Variants in PARD3B observed in about 807,000 individuals in gnomAD.
PARD3B encodes the protein par-3 family cell polarity regulator beta, also known as partitioning defective 3 homolog B.
A neutral mutation model predicts 130.2 loss-of-function variants in PARD3B; 103 were observed. That is an observed-to-expected ratio of 0.79 (90% confidence interval 0.67 to 0.93). The LOEUF is 0.93. PARD3B is among the 40% of genes least tolerant of loss of function. The pLI, the probability that PARD3B is intolerant of heterozygous loss-of-function variation, is 0.00. For missense variants in PARD3B, 1,609 were observed against 1,499.2 expected (o/e 1.07, Z -1.21); for synonymous variants, 583 against 553.2 (o/e 1.05, Z -0.76).
chr2:204,598,185 A>G (rs1041012909), intron 1 of PARD3B, among the ~76,000 whole-genome samples: 1 of 152,154 alleles, frequency 6.6e-6, no homozygotes, highest in East Asian at 1.9e-4. Flanking sequence ...TTTGGACTTT[A>G]CCTTTTCTAT....
intron 21 of PARD3B, among the ~76,000 whole-genome samples, chr2:205,520,655 C>CTGTT (rs1341600224): frequency 6.6e-6 from 1 of 152,012 alleles, no homozygotes; most frequent in Non-Finnish European, 1.5e-5. Flanking sequence ...GAAATGAACA[C>CTGTT]TGTTTATGCT....
intron 2 of PARD3B, among the ~76,000 whole-genome samples, chr2:204,953,722 G>C (rs972842668): frequency 6.6e-6 from 1 of 152,150 alleles, no homozygotes; most frequent in Non-Finnish European, 1.5e-5. Context: ...ATTGCCAATG[G>C]TCACAGCAAC....
chr2:204,892,456 C>A (rs2046483428), intron 2 of PARD3B, among the ~76,000 whole-genome samples: 1 of 152,162 alleles, frequency 6.6e-6, no homozygotes, highest in Non-Finnish European at 1.5e-5. Context: ...ATGGTAGCCG[C>A]TAGTCATGTG....
chr2:205,581,329 CCT>C (rs1460026946), intron 22 of PARD3B, among the ~76,000 whole-genome samples: 2 of 144,442 alleles, frequency 1.4e-5, no homozygotes, highest in Admixed American at 7.0e-5. Flanking sequence ...CATTTATATC[CCT>C]GTCATATACG....
chr2:205,019,192 A>G (rs1696403370), intron 3 of PARD3B, among the ~76,000 whole-genome samples: 1 of 152,036 alleles, frequency 6.6e-6, no homozygotes, highest in African/African-American at 2.4e-5. Flanking sequence ...GTCTTGATAG[A>G]TTTGCCTAAT....
chr2:204,599,067 AG>A (rs562461470), intron 1 of PARD3B, among the ~76,000 whole-genome samples: 36 of 151,992 alleles, frequency 2.4e-4, no homozygotes, highest in African/African-American at 8.7e-4. Flanking sequence ...GAAAAAAAAA[AG>A]ACATTGTTTT....
rs2040609431 is a variant in PARD3B at position 205,268,756 on chromosome 2, C to A, written c.2185+22934C>A. On this transcript the variant is annotated intron_variant, in intron 16 of 22. Transcript: ENST00000406610. The surrounding 1 kb of genome is among the most constrained non-coding windows in gnomAD (Gnocchi z 4.1). The stretch of plus-strand genomic sequence containing the variant: ...AGTGCCAATTTGACAGAAGAGACTT[C>A]TCAGCTCTTTGGGGAAAATATTGAA... Among the ~76,000 whole-genome samples, 1 of 152,072 alleles carries A rather than the reference C, an allele frequency of 6.6e-6. No individual in the cohort carries two copies. The highest frequency in any genetic ancestry group is 2.1e-4 in the South Asian group (1 of 4,826).
chr2:204,573,876 T>C (rs2032125881), intron 1 of PARD3B, among the ~76,000 whole-genome samples: 2 of 152,206 alleles, frequency 1.3e-5, no homozygotes, highest in African/African-American at 4.8e-5. Flanking sequence ...TTTCAGACAC[T>C]GATGGCACCT....
At chr2:205,583,403 G>GCA (rs1553553156) in intron 22 of PARD3B, among the ~76,000 whole-genome samples, 4 of 74,186 alleles carry the variant, frequency 5.4e-5, no homozygotes, top group African/African-American at 9.0e-5. Context: ...GTGTGTGTGC[G>GCA]CGCGCACGCG....
chr2:205,279,900 G>A (rs1403841323), intron 16 of PARD3B, among the ~76,000 whole-genome samples: 1 of 152,196 alleles, frequency 6.6e-6, no homozygotes, highest in Non-Finnish European at 1.5e-5. Context: ...ACTCCCAGCA[G>A]GGAGCCTAAA....
intron 2 of PARD3B, among the ~76,000 whole-genome samples, chr2:204,837,754 A>G (rs1024716604): frequency 6.6e-6 from 1 of 152,000 alleles, no homozygotes; most frequent in African/African-American, 2.4e-5. Flanking sequence ...ATCATTTCGA[A>G]TTTTCACCTG....
At chr2:204,825,478 G>C (rs1299425471) in intron 2 of PARD3B, among the ~76,000 whole-genome samples, 1 of 152,172 alleles carries the variant, frequency 6.6e-6, no homozygotes. Flanking sequence ...GTGCCTTGGG[G>C]ATATAGGTTT....
intron 2 of PARD3B, among the ~76,000 whole-genome samples, chr2:204,724,405 G>A (rs2039127746): frequency 6.6e-6 from 1 of 152,164 alleles, no homozygotes; most frequent in East Asian, 1.9e-4. Context: ...ACCTGGAGCA[G>A]TACTCAGTAA....
At chr2:204,612,498 C>A (rs191688361) in intron 1 of PARD3B, among the ~76,000 whole-genome samples, 9 of 152,234 alleles carry the variant, frequency 5.9e-5, no homozygotes, top group Admixed American at 3.3e-4. Context: ...AAATACATTT[C>A]TTTGATCTTC....
chr2:204,845,165 T>C (rs2125594390), intron 2 of PARD3B, among the ~76,000 whole-genome samples: 1 of 152,266 alleles, frequency 6.6e-6, no homozygotes, highest in East Asian at 1.9e-4. Flanking sequence ...GGTGTTAATG[T>C]TACCCTCAAA....
intron 3 of PARD3B, among the ~76,000 whole-genome samples, chr2:204,974,638 A>G (rs1691982890): frequency 6.6e-6 from 1 of 152,232 alleles, no homozygotes; most frequent in Admixed American, 6.5e-5. Flanking sequence ...GCATGAGGAA[A>G]ACTTCTTGTT....
intron 2 of PARD3B, among the ~76,000 whole-genome samples, chr2:204,837,417 A>C (rs2044083186): frequency 1.3e-5 from 2 of 150,738 alleles, no homozygotes; most frequent in Non-Finnish European, 3.0e-5. Context: ...AAAAAATAAA[A>C]ATTACTTTTT....
chr2:204,722,590 C>T (rs1471827115), intron 2 of PARD3B, among the ~76,000 whole-genome samples: 2 of 152,102 alleles, frequency 1.3e-5, no homozygotes, highest in Non-Finnish European at 2.9e-5. Context: ...AGAAGAGATA[C>T]GAGGCTTTAG....
At chr2:205,200,432 A>G (rs1378497699) in intron 15 of PARD3B, among the ~76,000 whole-genome samples, 1 of 152,198 alleles carries the variant, frequency 6.6e-6, no homozygotes, top group East Asian at 1.9e-4. Context: ...TTTTTTCCTT[A>G]AAGTCAAAGA....
Sources: allele counts gnomAD v4.1 joint callset (sites outside exome capture counted in the v4.1 genomes callset), GRCh38; gene constraint gnomAD v4.1.1; non-coding constraint Gnocchi (gnomAD v3.1); transcripts MANE v1.5; gene names NCBI Gene and HGNC (gene_info 2026-07-23, HGNC 2026-07-21).